The following JAKMIP1 variants were observed in gnomAD, a reference collection of about 807,000 sequenced individuals.
JAKMIP1 encodes the protein janus kinase and microtubule interacting protein 1, also known as janus kinase and microtubule-interacting protein 1.
A neutral mutation model predicts 113.0 loss-of-function variants in JAKMIP1; 33 were observed. That is an observed-to-expected ratio of 0.29 (90% CI 0.22 to 0.39). The LOEUF is 0.39. Among genes scored for constraint, JAKMIP1 ranks in the 10% least tolerant of loss-of-function variants. The pLI is 1.00. For synonymous variants in JAKMIP1, 480 were observed against 459.9 expected (o/e 1.04, Z -0.56); for missense variants, 813 against 1,080.5 (o/e 0.75, Z 3.47).
chr4:6,160,903 C>T (rs1722826478), intron 1 of JAKMIP1, among the ~76,000 whole-genome samples: 1 of 150,950 alleles, frequency 6.6e-6, no homozygotes, highest in Non-Finnish European at 1.5e-5. Context: ...CTGACCTCCA[C>T]TAACCTCCCC....
intron 1 of JAKMIP1, among the ~76,000 whole-genome samples, chr4:6,118,549 T>C (rs1716188781): frequency 6.6e-6 from 1 of 152,184 alleles, no homozygotes; most frequent in Non-Finnish European, 1.5e-5. Flanking sequence ...TGCCAGGCTC[T>C]TGGCCTGACC....
chr4:6,119,737 C>G lies in JAKMIP1; in HGVS notation c.-147-6740G>C, dbSNP rs557817538. On this transcript the variant is annotated intron_variant, in intron 1 of 20. Transcript: ENST00000409021. ...CCCGGCTGAACAGGGCTGCTCACAT[C>G]CCTCTACAGTCACAATTCACAACCT... 7.2e-5 allele frequency among the ~76,000 whole-genome samples: 11 copies of G among 152,332 alleles called. No individual in the cohort carries two copies. In the South Asian group the frequency reaches 1.0e-3, roughly 14 times the overall value.
intron 3 of JAKMIP1, among the ~76,000 whole-genome samples, chr4:6,098,661 AGAAAG>A (rs879619552): frequency 0.04 from 5,069 of 128,140 alleles, 184 homozygotes; most frequent in African/African-American, 0.1. Flanking sequence ...AAGGAAAGGA[AGAAAG>A]AGAGAGAAAG....
intron 1 of JAKMIP1, among the ~76,000 whole-genome samples, chr4:6,133,240 A>G (rs1718766521): frequency 6.6e-6 from 1 of 152,188 alleles, no homozygotes; most frequent in African/African-American, 2.4e-5. Flanking sequence ...CTATAGGCAG[A>G]CCTCCGCTCC....
chr4:6,026,383 T>G, intron 20 of JAKMIP1, 105 bp from the exon 21 acceptor site: 1 of 664,440 alleles, frequency 1.5e-6, no homozygotes, highest in Non-Finnish European at 2.7e-6. Flanking sequence ...TTACAAGAAC[T>G]AGGACACTGA....
chr4:6,161,682 G>A (rs985289564), intron 1 of JAKMIP1, among the ~76,000 whole-genome samples: 2 of 152,096 alleles, frequency 1.3e-5, no homozygotes, highest in African/African-American at 2.4e-5. Context: ...GCTGTCCAAG[G>A]GTGACCAGAG....
At position 6,193,079 on chromosome 4, in the gene JAKMIP1, G is replaced by A. The variant is rs1727456492; in HGVS notation, c.-148+7174C>T. 6.6e-6 allele frequency among the ~76,000 whole-genome samples: 1 copy of A among 152,160 alleles called. No individual in the cohort carries two copies. Among genetic ancestry groups the A allele is most frequent in the Non-Finnish European group, 1.5e-5 (1 of 68,032 alleles). ...CAGCGTGGCTAGAATAAAGCAGGCAGGAGAAGATGGAAGAGCAAACTTGCT... is the reference window on the plus strand; with the variant it reads ...CAGCGTGGCTAGAATAAAGCAGGCAAGAGAAGATGGAAGAGCAAACTTGCT... On this transcript the variant is annotated intron_variant, in intron 1 of 20. Transcript: ENST00000409021. This position sits in a 1 kb window ranked among gnomAD's most constrained non-coding sequence, Gnocchi z 6.4.
chr4:6,065,186 G>C lies in JAKMIP1; in HGVS notation c.1303-178C>G, dbSNP rs1560131258. Among the ~76,000 whole-genome samples the C allele has an allele frequency of 6.6e-6, 1 of 152,196 alleles. No individual in the cohort carries two copies. Among genetic ancestry groups the C allele is most frequent in the African/African-American group, 2.4e-5 (1 of 41,432 alleles). ...CTGGGTGGGATAAAAGGTGGCAGCA[G>C]GTGGCGGATGACCCTAGGGTTTACA... On this transcript the variant is annotated intron_variant, in intron 8 of 20. Coordinates refer to ENST00000409021, the MANE Select transcript of JAKMIP1 (RefSeq NM_001099433.2). The surrounding 1 kb of genome is among the most constrained non-coding windows in gnomAD (Gnocchi z 5.1).
chr4:6,182,576 G>T (rs1238010812), intron 1 of JAKMIP1, among the ~76,000 whole-genome samples: 2 of 152,168 alleles, frequency 1.3e-5, no homozygotes, highest in African/African-American at 4.8e-5. Flanking sequence ...AAGTTGTCTG[G>T]CACCATGATC....
At chr4:6,082,468 A>G (rs1411311313) in intron 5 of JAKMIP1, among the ~76,000 whole-genome samples, 2 of 151,610 alleles carry the variant, frequency 1.3e-5, no homozygotes, top group Non-Finnish European at 1.5e-5. Flanking sequence ...TATCTTCTTC[A>G]TGGCATTTTT....
rs1711985283 is a variant in JAKMIP1, at chr4:6,097,381, G to A, written c.624+8092C>T. Among the ~76,000 whole-genome samples the A allele has an allele frequency of 6.6e-6, 1 of 152,216 alleles. No individual in the cohort carries two copies. The highest frequency in any genetic ancestry group is 1.5e-5 in the Non-Finnish European group (1 of 68,044). ...CCACTGATACAGTGGAGAAGATAAT[G>A]TGCTCATGGTAACATGTGAGCTTGC... On this transcript the variant is annotated intron_variant, in intron 3 of 20. Transcript: ENST00000409021. The surrounding 1 kb of genome is among the most constrained non-coding windows in gnomAD (Gnocchi z 4.3).
Position 6,194,652 on chromosome 4 carries a change from G to C in JAKMIP1, c.-148+5601C>G, listed in dbSNP as rs542568837. 1 of 152,286 alleles carries C rather than the reference G, an allele frequency of 6.6e-6. No individual in the cohort carries two copies. Among genetic ancestry groups the C allele is most frequent in the South Asian group, 2.1e-4 (1 of 4,826 alleles). 9.4% of individuals were successfully genotyped at this position (152,286 alleles called of 1,614,324 possible). A position where few individuals can be genotyped will look rare whatever the true frequency, so the allele number is the denominator to read the frequency against. ...GGAGAAGCTCAGAGGCCAGCACACC[G>C]AGCCAGCGCCTCCCTCTGACCTGGC... On this transcript the variant is annotated intron_variant, in intron 1 of 20. Transcript: ENST00000409021. This position sits in a 1 kb window ranked among gnomAD's most constrained non-coding sequence, Gnocchi z 7.4.
rs1720416168 is a variant in JAKMIP1, at chr4:6,080,879, AG to A, written c.1102-568del. ...GGGGCTGACCATGCACACTGCTGAC[AG>A]GAAGGGATGCGCAGGGCCTGGGGGT... On this transcript the variant is annotated intron_variant, in intron 6 of 20. Transcript: ENST00000409021. The surrounding 1 kb of genome is among the most constrained non-coding windows in gnomAD (Gnocchi z 6.0). Among the ~76,000 whole-genome samples, 1 of 152,040 alleles carries A rather than the reference AG, an allele frequency of 6.6e-6. No individual in the cohort carries two copies. The highest frequency in any genetic ancestry group is 1.5e-5 in the Non-Finnish European group (1 of 68,006).
rs995334645 is a variant in JAKMIP1, at chr4:6,192,686, G to T, written c.-148+7567C>A. ...CTGCTCTGTGCCAATGCCCAAGGCT[G>T]ACAGAGGAGGAGAAACCCCACAGGC... On this transcript the variant is annotated intron_variant, in intron 1 of 20. Transcript: ENST00000409021. This position sits in a 1 kb window ranked among gnomAD's most constrained non-coding sequence, Gnocchi z 5.0. Among the ~76,000 whole-genome samples the T allele has an allele frequency of 6.6e-6, 1 of 152,210 alleles. No homozygotes were observed. The highest frequency in any genetic ancestry group is 1.5e-5 in the Non-Finnish European group (1 of 68,040).
At position 6,153,549 on chromosome 4, in the gene JAKMIP1, G is replaced by A. The variant is rs949941014; in HGVS notation, c.-147-40552C>T. 1.3e-5 allele frequency among the ~76,000 whole-genome samples: 2 copies of A among 152,154 alleles called. No individual in the cohort carries two copies. Among genetic ancestry groups the A allele is most frequent in the Admixed American group, 6.5e-5 (1 of 15,282 alleles). ...CTTCTTTTCTTAAAATTAGCTTTCC[G>A]GAGGTGTAATTTGCGCTGTAAGAGG... On this transcript the variant is annotated intron_variant, in intron 1 of 20. Transcript: ENST00000409021. This position sits in a 1 kb window ranked among gnomAD's most constrained non-coding sequence, Gnocchi z 4.9.
intron 1 of JAKMIP1, among the ~76,000 whole-genome samples, chr4:6,124,125 G>A (rs554964876): frequency 6.6e-6 from 1 of 152,178 alleles, no homozygotes; most frequent in Non-Finnish European, 1.5e-5. Flanking sequence ...CATGGCCCTG[G>A]CCCGGCTGTG....
chr4:6,100,720 T>C (rs1273117265), intron 3 of JAKMIP1, among the ~76,000 whole-genome samples: 1 of 152,170 alleles, frequency 6.6e-6, no homozygotes, highest in African/African-American at 2.4e-5. Flanking sequence ...TTCCTCCACA[T>C]GCTAGTCAAC....
Position 6,061,077 on chromosome 4 carries a change from T to C in JAKMIP1, c.1561-570A>G, listed in dbSNP as rs1717202747. 6.6e-6 allele frequency among the ~76,000 whole-genome samples: 1 copy of C among 152,240 alleles called. No homozygotes were observed. Among genetic ancestry groups the C allele is most frequent in the Admixed American group, 6.5e-5 (1 of 15,288 alleles). On this transcript the variant is annotated intron_variant, in intron 10 of 20. Coordinates refer to ENST00000409021, the MANE Select transcript of JAKMIP1 (RefSeq NM_001099433.2). This position sits in a 1 kb window ranked among gnomAD's most constrained non-coding sequence, Gnocchi z 5.3. ...TGGCAAGCCAGAGGCACACGTCCCA[T>C]CTCAGGGAGACACTGCTACCCAGCA...
chr4:6,065,122 G>T lies in JAKMIP1; in HGVS notation c.1303-114C>A. On this transcript the variant is annotated intron_variant, in intron 8 of 20. Coordinates refer to ENST00000409021, the MANE Select transcript of JAKMIP1 (RefSeq NM_001099433.2). This position sits in a 1 kb window ranked among gnomAD's most constrained non-coding sequence, Gnocchi z 5.1. Reference sequence around the variant, plus strand: ...GGTGATGATTGACATTTGGGCCACTGGGGCATCACAAGATGCGGTTGGTGG... The same window carrying T: ...GGTGATGATTGACATTTGGGCCACTTGGGCATCACAAGATGCGGTTGGTGG... 7.6e-7 allele frequency: 1 copy of T among 1,312,132 alleles called. No individual in the cohort carries two copies. Among genetic ancestry groups the T allele is most frequent in the Non-Finnish European group, 1.1e-6 (1 of 924,760 alleles). The allele number at this position is 1,312,132 out of a possible 1,614,324, so 81.3% of individuals were successfully genotyped here. A position where few individuals can be genotyped will look rare whatever the true frequency, so the allele number is the denominator to read the frequency against.
Sources: gnomAD v4.1 joint callset for allele counts (sites outside exome capture counted in the v4.1 genomes callset) on GRCh38, gnomAD v4.1.1 for gene constraint, Gnocchi (gnomAD v3.1) non-coding constraint, MANE v1.5 for transcripts, NCBI Gene and HGNC (gene_info 2026-07-23, HGNC 2026-07-21) for gene names.